KCNG3: variants seen among roughly 807,000 people sequenced by gnomAD.
KCNG3 encodes the protein potassium voltage-gated channel modifier subfamily G member 3.
A neutral mutation model predicts 29.0 loss-of-function variants in KCNG3; 15 were observed. The ratio of observed to expected loss-of-function variants is 0.52; its 90% CI spans 0.35 to 0.80. KCNG3 has a LOEUF of 0.80. Ranked by LOEUF, KCNG3 falls within the 30% of genes least tolerant of loss-of-function variation. KCNG3 has a pLI of 0.01. For missense variants in KCNG3, 512 were observed against 605.7 expected (o/e 0.85, Z 1.62); for synonymous variants, 322 against 248.9 (o/e 1.29, Z -2.76).
chr2:42,403,210 G>A, the KCNG3 span, among the ~76,000 whole-genome samples: 1 of 148,154 alleles, frequency 6.7e-6, no homozygotes, highest in Non-Finnish European at 1.5e-5. Context: ...GCACGATCAT[G>A]GCTCACTGCA....
chr2:42,476,977 A>C (rs1378910663), intron 1 of KCNG3, among the ~76,000 whole-genome samples: 1 of 147,594 alleles, frequency 6.8e-6, no homozygotes, highest in African/African-American at 2.5e-5. Context: ...CGAGGTCCGG[A>C]GATCGAGACC....
intron 1 of KCNG3, among the ~76,000 whole-genome samples, chr2:42,472,901 A>AT (rs1200918383): frequency 0.016 from 1,549 of 96,682 alleles, 33 homozygotes; most frequent in South Asian, 0.1. Context: ...ATATATATAT[A>AT]TATTTTTTTT....
chr2:42,469,760 T>TA (rs1673239157), intron 1 of KCNG3: 1 of 161,824 alleles, frequency 6.2e-6, no homozygotes, highest in Admixed American at 6.5e-5. Context: ...AAAAATTTGA[T>TA]AAATTTGTCT....
chr2:42,413,816 A>G, the KCNG3 span: 1 of 152,238 alleles, frequency 6.6e-6, no homozygotes, highest in Non-Finnish European at 1.5e-5. Context: ...AGAACTCACT[A>G]TTGCGAAAAC....
the KCNG3 span, among the ~76,000 whole-genome samples, chr2:42,407,404 A>G: frequency 3.3e-5 from 5 of 152,086 alleles, no homozygotes; most frequent in Non-Finnish European, 7.4e-5. Flanking sequence ...TTGGACTCAA[A>G]TGTTCCTCCC....
At chr2:42,394,351 T>C in the KCNG3 span, among the ~76,000 whole-genome samples, 48 of 152,314 alleles carry the variant, frequency 3.2e-4, no homozygotes, top group Admixed American at 1.8e-3. Flanking sequence ...GATATCAGGC[T>C]TCTCTTTTCC....
chr2:42,413,281 A>G, the KCNG3 span, among the ~76,000 whole-genome samples: 7 of 152,240 alleles, frequency 4.6e-5, no homozygotes, highest in African/African-American at 1.4e-4. Flanking sequence ...CTGAGATTAT[A>G]GCCAAGGAGT....
At chr2:42,432,945 A>C in the KCNG3 span, among the ~76,000 whole-genome samples, 4 of 144,352 alleles carry the variant, frequency 2.8e-5, no homozygotes, top group East Asian at 3.9e-4. Context: ...AAAAAAAAAA[A>C]AAACAAAAAA....
chr2:42,492,858 C>T lies in KCNG3; in HGVS notation c.644G>A (p.Gly215Asp). The T allele has an allele frequency of 6.6e-7, 1 of 1,509,426 alleles. No homozygotes were observed. Among genetic ancestry groups the T allele is most frequent in the South Asian group, 1.3e-5 (1 of 75,022 alleles). The allele number at this position is 1,509,426 out of a possible 1,614,324, so 93.5% of individuals were successfully genotyped here. ...SLDDRSRYSA[G>D]PGREPSGIIE... ...CTACCCGGAGGGCTCCCTCCCAGGG[C>T]CGGCGGAGTACCTGCTCCGGTCATC... Residue 215 changes from glycine to aspartate, a missense_variant, in exon 1 of 2, where the codon GGC becomes GAC. Gly to Asp is a moderately conservative substitution (Grantham distance 94, BLOSUM62 -1). Coordinates refer to ENST00000306078, the MANE Select transcript of KCNG3 (RefSeq NM_133329.6).
intron 1 of KCNG3, among the ~76,000 whole-genome samples, chr2:42,455,724 G>A (rs562984590): frequency 1.3e-4 from 20 of 151,982 alleles, no homozygotes; most frequent in Non-Finnish European, 2.4e-4. Flanking sequence ...AACTATGACT[G>A]CTCCATTACA....
At chr2:42,418,721 T>A in the KCNG3 span, among the ~76,000 whole-genome samples, 1 of 152,302 alleles carries the variant, frequency 6.6e-6, no homozygotes, top group East Asian at 1.9e-4. Flanking sequence ...TTTTGAAGTA[T>A]GCACACAAAT....
At chr2:42,453,451 A>C (rs1198572251) in intron 1 of KCNG3, among the ~76,000 whole-genome samples, 1 of 152,222 alleles carries the variant, frequency 6.6e-6, no homozygotes, top group South Asian at 2.1e-4. Context: ...GTGATCATCA[A>C]TGAGGCTGAG....
chr2:42,406,900 T>C, the KCNG3 span, among the ~76,000 whole-genome samples: 1 of 152,014 alleles, frequency 6.6e-6, no homozygotes, highest in Admixed American at 6.6e-5. Flanking sequence ...CATTTTATTG[T>C]TGGTTCCTAA....
rs1390244316 is a variant in KCNG3, at chr2:42,443,294, A to G, written c.*640T>C. ...ATAAATCCAAAATGGAAAAGGGAGA[A>G]CATACTCAAGCTTCCATGAAGCGGC... On this transcript the variant is annotated 3_prime_UTR_variant, in exon 2 of 2. Transcript: ENST00000306078. 2.0e-5 allele frequency: 3 copies of G among 152,580 alleles called. No homozygotes were observed. Among genetic ancestry groups the G allele is most frequent in the Non-Finnish European group, 4.4e-5 (3 of 68,046 alleles). 9.5% of individuals were successfully genotyped at this position (152,580 alleles called of 1,614,324 possible). A position where few individuals can be genotyped will look rare whatever the true frequency, so the allele number is the denominator to read the frequency against.
At chr2:42,421,933 T>C in the KCNG3 span, among the ~76,000 whole-genome samples, 3 of 152,180 alleles carry the variant, frequency 2.0e-5, no homozygotes, top group African/African-American at 7.2e-5. Flanking sequence ...CTAAAAGTGA[T>C]TGTAACATAT....
chr2:42,426,380 T>G, the KCNG3 span, among the ~76,000 whole-genome samples: 2 of 152,234 alleles, frequency 1.3e-5, no homozygotes, highest in South Asian at 4.1e-4. Flanking sequence ...AAATCCCAAA[T>G]GATAATACAA....
At chr2:42,445,259 T>C (rs1024872937) in intron 1 of KCNG3, among the ~76,000 whole-genome samples, 6 of 152,148 alleles carry the variant, frequency 3.9e-5, no homozygotes, top group Non-Finnish European at 5.9e-5. Flanking sequence ...AGGACAGTGG[T>C]TCTCAGCTGT....
Position 42,493,290 on chromosome 2 carries a change from C to A in KCNG3, c.212G>T (p.Gly71Val). The change falls in exon 1 of 2, where the codon GGC becomes GTC. Residue 71 changes from glycine to valine, a missense_variant. Physicochemically the swap from Gly to Val is moderately radical, Grantham distance 109. Coordinates refer to ENST00000306078, the MANE Select transcript of KCNG3 (RefSeq NM_133329.6). ...YFFDRHSEAF[G>V]FILLYVRGHG... ...GCCGCGCACGTAGAGCAGGATGAAG[C>A]CGAAGGCCTCCGAGTGCCGGTCGAA... is the stretch of plus-strand genomic sequence containing the variant. The A allele has an allele frequency of 2.5e-6, 4 of 1,611,634 alleles. No homozygotes were observed. Among genetic ancestry groups the A allele is most frequent in the Non-Finnish European group, 3.4e-6 (4 of 1,179,514 alleles).
chr2:42,432,348 T>C, the KCNG3 span, among the ~76,000 whole-genome samples: 1 of 152,220 alleles, frequency 6.6e-6, no homozygotes, highest in Admixed American at 6.5e-5. Context: ...AATTCAGTGG[T>C]ACTTGTGCTC....
Sources: gnomAD v4.1 joint callset for allele counts (sites outside exome capture counted in the v4.1 genomes callset) on GRCh38, gnomAD v4.1.1 for gene constraint, MANE v1.5 for transcripts, NCBI Gene and HGNC (gene_info 2026-07-23, HGNC 2026-07-21) for gene names.